Variants in GPM6B observed in about 807,000 individuals in gnomAD.
The protein encoded by GPM6B is neuronal membrane glycoprotein M6-b.
A neutral mutation model predicts 27.2 loss-of-function variants in GPM6B; 4 were observed. That is an observed-to-expected ratio of 0.15 (90% CI 0.07 to 0.34). The LOEUF (loss-of-function observed/expected upper bound fraction) is 0.34, where lower values mean the gene tolerates loss of function less well. Among genes scored for constraint, GPM6B ranks in the 10% least tolerant of loss-of-function variants. The pLI is 1.00. For missense variants in GPM6B, 183 were observed against 261.9 expected, an observed-to-expected ratio of 0.70 and a Z score of 2.08; for synonymous variants, 124 against 103.1, an observed-to-expected ratio of 1.20 and a Z score of -1.23.
intron 1 of GPM6B, among the ~76,000 whole-genome samples, chrX:13,895,314 T>C (rs982791773): frequency 9.0e-6 from 1 of 110,885 alleles, no homozygotes; most frequent in South Asian, 3.9e-4. Flanking sequence ...TTTTTAGTTG[T>C]TTTAAGATTT....
chrX:13,827,698 C>CA (rs1163648738), intron 1 of GPM6B, among the ~76,000 whole-genome samples: 1 of 112,099 alleles, frequency 8.9e-6, no homozygotes, highest in Non-Finnish European at 1.9e-5. Flanking sequence ...CAGACATTAC[C>CA]AAATTGAAGG....
At chrX:13,906,689 G>T (rs1043954449) in intron 1 of GPM6B, among the ~76,000 whole-genome samples, 8 of 112,049 alleles carry the variant, frequency 7.1e-5, no homozygotes, top group African/African-American at 2.6e-4. Context: ...TAAAAGAAAT[G>T]TCTAGCCTAT....
At chrX:13,938,035 GTGTT>G (rs1921925620) in intron 1 of GPM6B, among the ~76,000 whole-genome samples, 1 of 111,735 alleles carries the variant, frequency 8.9e-6, no homozygotes, top group South Asian at 3.8e-4. Flanking sequence ...GGGGAACCGG[GTGTT>G]TGTTTCGCGC....
At chrX:13,809,226 C>A (rs1207091686) in intron 1 of GPM6B, among the ~76,000 whole-genome samples, 2 of 111,781 alleles carry the variant, frequency 1.8e-5, no homozygotes, top group Admixed American at 9.5e-5. Context: ...GGTAGAGAAG[C>A]CTGAATGTGA....
intron 2 of GPM6B, among the ~76,000 whole-genome samples, chrX:13,791,602 T>A (rs1277529850): frequency 9.0e-6 from 1 of 111,304 alleles, no homozygotes; most frequent in Non-Finnish European, 1.9e-5. Context: ...AGTTTAAATA[T>A]AAGCCATGTA....
chrX:13,935,247 C>T (rs1262614682), intron 1 of GPM6B, among the ~76,000 whole-genome samples: 4 of 104,849 alleles, frequency 3.8e-5, no homozygotes, highest in African/African-American at 1.1e-4. Flanking sequence ...GCCTGTAATC[C>T]CAGCACTTTG....
At chrX:13,818,951 C>A (rs2147201978), upstream of GPM6B, among the ~76,000 whole-genome samples, 1 of 112,360 alleles carries the variant, frequency 8.9e-6, no homozygotes, top group East Asian at 2.8e-4. Context: ...AAGTGTCCAG[C>A]AAAAACATCT....
At chrX:13,907,251 T>TATGACAACCCAAGAG (rs1433753694) in intron 1 of GPM6B, among the ~76,000 whole-genome samples, 2 of 112,519 alleles carry the variant, frequency 1.8e-5, no homozygotes, top group Non-Finnish European at 3.8e-5. Context: ...ATTTACTCTT[T>TATGACAACCCAAGAG]ATGACAACCC....
At chrX:13,836,730 C>G (rs1184612195) in intron 1 of GPM6B, among the ~76,000 whole-genome samples, 3 of 112,604 alleles carry the variant, frequency 2.7e-5, no homozygotes, top group Non-Finnish European at 5.6e-5. Flanking sequence ...CTTTCATGAA[C>G]TATACAGAAC....
chrX:13,778,508 C>G (rs1447978987), intron 5 of GPM6B, among the ~76,000 whole-genome samples: 3 of 111,168 alleles, frequency 2.7e-5, no homozygotes, highest in Non-Finnish European at 3.8e-5. Flanking sequence ...TAAGTTTGTG[C>G]TTAAATATTA....
intron 1 of GPM6B, among the ~76,000 whole-genome samples, chrX:13,928,730 T>C (rs1393646582): frequency 8.9e-6 from 1 of 112,354 alleles, no homozygotes; most frequent in Non-Finnish European, 1.9e-5. Context: ...TTGTGAAACA[T>C]TTCTAAATCT....
intron 1 of GPM6B, among the ~76,000 whole-genome samples, chrX:13,859,343 T>C (rs762464598): frequency 8.9e-6 from 1 of 112,336 alleles, no homozygotes; most frequent in Admixed American, 9.5e-5. Flanking sequence ...TGTTTGTGTT[T>C]CTATTTCTTC....
chrX:13,903,616 T>C (rs770562137), intron 1 of GPM6B, among the ~76,000 whole-genome samples: 40 of 112,060 alleles, frequency 3.6e-4, no homozygotes, highest in African/African-American at 1.2e-3. Context: ...ACAGCATAAG[T>C]TCGTCATCAT....
At chrX:13,909,420 G>C (rs1209806774) in intron 1 of GPM6B, among the ~76,000 whole-genome samples, 2 of 111,065 alleles carry the variant, frequency 1.8e-5, no homozygotes, top group African/African-American at 6.5e-5. Flanking sequence ...GAGCCACCGT[G>C]CTCAGCCATA....
upstream of GPM6B, among the ~76,000 whole-genome samples, chrX:13,819,709 G>A (rs143974167): frequency 2.9e-3 from 329 of 111,715 alleles, 6 homozygotes; most frequent in Non-Finnish European, 3.3e-3. Context: ...CACAAGTGAC[G>A]ATGCCTGTCT....
chrX:13,899,959 C>T (rs1169047523), intron 1 of GPM6B, among the ~76,000 whole-genome samples: 1 of 112,327 alleles, frequency 8.9e-6, no homozygotes, highest in African/African-American at 3.2e-5. Flanking sequence ...AGCAAATCTA[C>T]GCCTTCTTGT....
chrX:13,785,699 C>T lies in GPM6B; in HGVS notation c.291G>A (p.Val97=). Residue 97 remains valine, a synonymous_variant, in exon 3 of 8, where the codon GTG becomes GTA. Coordinates refer to ENST00000316715, the MANE Select transcript of GPM6B (RefSeq NM_001001995.3). Reference sequence around the variant, plus strand: ...GAATCGCCACGGTGCCTGCGAGAGCCACATGCCCACAGCCGCAGAATAAGG... The same window carrying T: ...GAATCGCCACGGTGCCTGCGAGAGCTACATGCCCACAGCCGCAGAATAAGG... ...GVALFCGCGH[V]ALAGTVAILE... 8.3e-7 allele frequency: 1 copy of T among 1,211,738 alleles called. No individual in the cohort carries two copies. The highest frequency in any genetic ancestry group is 1.1e-6 in the Non-Finnish European group (1 of 895,254).
At chrX:13,775,325 G>A (rs185574238) in intron 7 of GPM6B, among the ~76,000 whole-genome samples, 180 of 113,155 alleles carry the variant, frequency 1.6e-3, no homozygotes, top group South Asian at 3.9e-3. Context: ...TGTGCAGAGC[G>A]GTGAAAGTTG....
At chrX:13,858,529 C>A (rs1015243228) in intron 1 of GPM6B, among the ~76,000 whole-genome samples, 16 of 111,642 alleles carry the variant, frequency 1.4e-4, no homozygotes, top group Non-Finnish European at 2.6e-4. Context: ...CCAGTACACA[C>A]AAGCTCCAGG....
Sources: gnomAD v4.1 joint callset for allele counts (sites outside exome capture counted in the v4.1 genomes callset) on GRCh38, gnomAD v4.1.1 for gene constraint, MANE v1.5 for transcripts, NCBI Gene and HGNC (gene_info 2026-07-23, HGNC 2026-07-21) for gene names.